SV2B: variants seen among roughly 807,000 people sequenced by gnomAD.
The protein encoded by SV2B is synaptic vesicle glycoprotein 2B.
Under a neutral mutation model 73.9 loss-of-function variants are expected in SV2B, and 41 were observed. The ratio of observed to expected loss-of-function variants is 0.56; its 90% CI spans 0.43 to 0.72. The LOEUF is 0.72. SV2B is among the 30% of genes least tolerant of loss of function. SV2B has a pLI of 0.00. For missense variants in SV2B, 764 were observed against 857.8 expected (o/e 0.89, Z 1.37); for synonymous variants, 314 against 314.2 (o/e 1.00, Z 0.01).
rs1185676519 is a variant in SV2B, at chr15:91,136,070, A to G, written c.-392+35707A>G. Among the ~76,000 whole-genome samples, 1 of 152,124 alleles carries G rather than the reference A, an allele frequency of 6.6e-6. No individual in the cohort carries two copies. The highest frequency in any genetic ancestry group is 1.5e-5 in the Non-Finnish European group (1 of 68,036). On this transcript the variant is annotated intron_variant, in intron 1 of 12. Coordinates refer to ENST00000394232, the MANE Select transcript of SV2B (RefSeq NM_001323032.3). The surrounding 1 kb of genome is among the most constrained non-coding windows in gnomAD (Gnocchi z 5.6). ...AAATAATATAAAGTTAGATATGAAG[A>G]TAATATAAACCATAACATTCTGAAA...
intron 9 of SV2B, among the ~76,000 whole-genome samples, chr15:91,276,494 T>C (rs1306371825): frequency 1.3e-5 from 2 of 152,102 alleles, no homozygotes; most frequent in Non-Finnish European, 2.9e-5. Context: ...TTTTTCTCTG[T>C]TTCTTCCCTT....
In SV2B at chr15:91,226,610, G is replaced by A. The variant is rs993206149; in HGVS notation, c.347G>A (p.Gly116Asp). 3.7e-6 allele frequency: 6 copies of A among 1,614,192 alleles called. No homozygotes were observed. Among genetic ancestry groups the A allele is most frequent in the Non-Finnish European group, 5.1e-6 (6 of 1,180,018 alleles). Reference protein sequence around the residue: ...RFQWILFFVLGLALMADGVEV... With the variant: ...RFQWILFFVLDLALMADGVEV... ...CAGTGGATCCTCTTTTTCGTCTTGG[G>A]TTTGGCCCTGATGGCCGATGGGGTG... The change falls in exon 2 of 13, where the codon GGT becomes GAT. Residue 116 changes from glycine to aspartate, a missense_variant. Gly to Asp is a moderately conservative substitution (Grantham distance 94, BLOSUM62 -1). Coordinates refer to ENST00000394232, the MANE Select transcript of SV2B (RefSeq NM_001323032.3).
chr15:91,271,708 G>A (rs766288085), intron 9 of SV2B, among the ~76,000 whole-genome samples: 2 of 152,050 alleles, frequency 1.3e-5, no homozygotes, highest in African/African-American at 4.8e-5. Context: ...CTTTGAAAGC[G>A]ATCTAAGGAA....
In SV2B at chr15:91,183,744, A is replaced by T. The variant is rs937899402; in HGVS notation, c.-391-42129A>T. On this transcript the variant is annotated intron_variant, in intron 1 of 12. Transcript: ENST00000394232. ...CCAGTCTCAAAGCTGTATAAATGTC[A>T]ATGAGCAAACAGATCAAAGAAGTAA... Among the ~76,000 whole-genome samples the T allele has an allele frequency of 5.3e-5, 8 of 152,256 alleles. No individual in the cohort carries two copies. The East Asian group carries it at 9.6e-4, about 18-fold the overall frequency.
Position 91,226,180 on chromosome 15 carries a change from G to A in SV2B, c.-84G>A. On this transcript the variant is annotated 5_prime_UTR_variant, in exon 2 of 13. The change abolishes an upstream ATG in the 5' untranslated region. Coordinates refer to ENST00000394232, the MANE Select transcript of SV2B (RefSeq NM_001323032.3). ...TTCACATTTGAACTACATAATGAATGATGGTTATTGAAATAGCCCAAACCT... is the reference window on the plus strand; with the variant it reads ...TTCACATTTGAACTACATAATGAATAATGGTTATTGAAATAGCCCAAACCT... 1 of 1,301,626 alleles carries A rather than the reference G, an allele frequency of 7.7e-7. No homozygotes were observed. Among genetic ancestry groups the A allele is most frequent in the Non-Finnish European group, 1.1e-6 (1 of 925,788 alleles). 80.6% of individuals were successfully genotyped at this position (1,301,626 alleles called of 1,614,324 possible). A position where few individuals can be genotyped will look rare whatever the true frequency, so the allele number is the denominator to read the frequency against.
chr15:91,260,481 T>G, intron 6 of SV2B, 72 bp downstream of exon 6: 1 of 1,226,566 alleles, frequency 8.2e-7, no homozygotes, highest in Non-Finnish European at 1.1e-6. Context: ...AAAAAGTAAT[T>G]TAAGCACATA....
In SV2B at chr15:91,226,699, A is replaced by C. The variant is rs1406444029; in HGVS notation, c.436A>C (p.Lys146Gln). ...AEKDMCLSSS[K>Q]KGMLGMIVYL... is the part of the protein sequence containing the mutation. ...GAAGGACATGTGTCTGTCCAGTTCCAAAAAAGGAATGCTAGGTAAGTGGAA... is the reference window on the plus strand; with the variant it reads ...GAAGGACATGTGTCTGTCCAGTTCCCAAAAAGGAATGCTAGGTAAGTGGAA... Residue 146 changes from lysine to glutamine, a missense_variant, in exon 2 of 13, where the codon AAA (lysine) becomes CAA (glutamine). Lys to Gln is a moderately conservative substitution (Grantham distance 53). Coordinates refer to ENST00000394232, the MANE Select transcript of SV2B (RefSeq NM_001323032.3). 1.9e-6 allele frequency: 3 copies of C among 1,604,924 alleles called. No individual in the cohort carries two copies. Among genetic ancestry groups the C allele is most frequent in the Admixed American group, 1.7e-5 (1 of 58,336 alleles).
At chr15:91,161,079 T>A (rs1447894285) in intron 1 of SV2B, among the ~76,000 whole-genome samples, 1 of 152,194 alleles carries the variant, frequency 6.6e-6, no homozygotes, top group Non-Finnish European at 1.5e-5. Context: ...ATTGTATGAT[T>A]CCATTTATAC....
At chr15:91,154,722 A>C (rs1003457281) in intron 1 of SV2B, among the ~76,000 whole-genome samples, 3 of 152,186 alleles carry the variant, frequency 2.0e-5, no homozygotes, top group Admixed American at 2.0e-4. Context: ...ACAGAAGTAG[A>C]GATTGGAGCA....
Position 91,134,004 on chromosome 15 carries a change from C to CTTTTTTTTTTTTTTTTTTTTTTTTTT in SV2B, c.-392+33653_-392+33654insTTTTTTTTTTTTTTTTTTTTTTTTTT, listed in dbSNP as rs10637206. Among the ~76,000 whole-genome samples, 27 of 106,210 alleles carry CTTTTTTTTTTTTTTTTTTTTTTTTTT rather than the reference C, an allele frequency of 2.5e-4. 2 individuals are homozygous for CTTTTTTTTTTTTTTTTTTTTTTTTTT. Among genetic ancestry groups the CTTTTTTTTTTTTTTTTTTTTTTTTTT allele is most frequent in the Middle Eastern group, 6.1e-3 (1 of 164 alleles). The allele number at this position is 106,210 out of a possible 152,430, so 69.7% of individuals were successfully genotyped here. ...TGCCTCTTCACCACTTTCTTTCTTCCTTTTTTTTTTTTGAGATGGAGTCTT... is the reference window on the plus strand; with the variant it reads ...TGCCTCTTCACCACTTTCTTTCTTCCTTTTTTTTTTTTTTTTTTTTTTTTTTTTTTTTTTTTTTGAGATGGAGTCTT... On this transcript the variant is annotated intron_variant, in intron 1 of 12. Coordinates refer to ENST00000394232, the MANE Select transcript of SV2B (RefSeq NM_001323032.3).
In SV2B at chr15:91,284,281, G is replaced by GTATTAAACAGGGAAATTTTCCCTTT; in HGVS notation, c.1708+68_1708+92dup. The GTATTAAACAGGGAAATTTTCCCTTT allele has an allele frequency of 6.4e-7, 1 of 1,553,144 alleles. No individual in the cohort carries two copies. Among genetic ancestry groups the GTATTAAACAGGGAAATTTTCCCTTT allele is most frequent in the Non-Finnish European group, 8.8e-7 (1 of 1,134,074 alleles). On this transcript the variant is annotated intron_variant, in intron 11 of 12. Coordinates refer to ENST00000394232, the MANE Select transcript of SV2B (RefSeq NM_001323032.3). The surrounding 1 kb of genome is among the most constrained non-coding windows in gnomAD (Gnocchi z 4.5). Reference sequence around the variant, plus strand: ...CGCGCTGGGGTGGTGACTTTCAAGTGTATTAAACAGGGAAATTTTCCCTTT... The same window carrying GTATTAAACAGGGAAATTTTCCCTTT: ...CGCGCTGGGGTGGTGACTTTCAAGTGTATTAAACAGGGAAATTTTCCCTTTTATTAAACAGGGAAATTTTCCCTTT...
intron 1 of SV2B, among the ~76,000 whole-genome samples, chr15:91,225,528 T>G (rs557573546): frequency 3.7e-4 from 56 of 152,278 alleles, no homozygotes; most frequent in African/African-American, 1.0e-3. Flanking sequence ...TTTATTTTAT[T>G]TTATTTTATT....
intron 1 of SV2B, among the ~76,000 whole-genome samples, chr15:91,222,223 A>G (rs187902042): frequency 6.6e-5 from 10 of 151,858 alleles, no homozygotes; most frequent in South Asian, 4.2e-4. Context: ...TGTGTCGTCT[A>G]TCTAAGTTCT....
At chr15:91,158,727 T>TTCCCTTCC (rs2043602273) in intron 1 of SV2B, among the ~76,000 whole-genome samples, 1 of 103,684 alleles carries the variant, frequency 9.6e-6, no homozygotes, top group African/African-American at 3.6e-5. Context: ...TCCTCTCCTC[T>TTCCCTTCC]CTTCTCCTCT....
chr15:91,276,805 G>GTTATTATTATTATTATTA (rs3082230), intron 9 of SV2B, among the ~76,000 whole-genome samples: 2,345 of 92,080 alleles, frequency 0.025, 72 homozygotes, highest in African/African-American at 0.075. Context: ...TATTGTTGTT[G>GTTATTATTATTATTATTA]TTATTATTAT....
chr15:91,124,089 T>C lies in SV2B; in HGVS notation c.-392+23726T>C, dbSNP rs1171602532. ...ACTCCTCATTATGGGAAAATCATCC[T>C]GGGTAAACACCAAGGTGGGCAAACT... is the stretch of plus-strand genomic sequence containing the variant. On this transcript the variant is annotated intron_variant, in intron 1 of 12. Coordinates refer to ENST00000394232, the MANE Select transcript of SV2B (RefSeq NM_001323032.3). The surrounding 1 kb of genome is among the most constrained non-coding windows in gnomAD (Gnocchi z 4.6). Among the ~76,000 whole-genome samples, 3 of 152,206 alleles carry C rather than the reference T, an allele frequency of 2.0e-5. No individual in the cohort carries two copies. Among genetic ancestry groups the C allele is most frequent in the African/African-American group, 4.8e-5 (2 of 41,442 alleles).
chr15:91,114,816 A>G (rs1596421071), intron 1 of SV2B, among the ~76,000 whole-genome samples: 1 of 152,108 alleles, frequency 6.6e-6, no homozygotes, highest in African/African-American at 2.4e-5. Flanking sequence ...CAGAAATTCC[A>G]TGCTGTGTTC....
At chr15:91,243,496 A>G (rs964690399) in intron 2 of SV2B, among the ~76,000 whole-genome samples, 3 of 152,170 alleles carry the variant, frequency 2.0e-5, no homozygotes, top group Non-Finnish European at 4.4e-5. Context: ...GGCTAAGGTG[A>G]GCCCCAGTCA....
intron 1 of SV2B, among the ~76,000 whole-genome samples, chr15:91,142,639 C>G (rs981916342): frequency 6.6e-6 from 1 of 152,146 alleles, no homozygotes; most frequent in Non-Finnish European, 1.5e-5. Flanking sequence ...TAACAACAGC[C>G]CTATTCTATT....
Sources: gnomAD v4.1 joint callset for allele counts (sites outside exome capture counted in the v4.1 genomes callset) on GRCh38, gnomAD v4.1.1 for gene constraint, Gnocchi (gnomAD v3.1) non-coding constraint, MANE v1.5 for transcripts, NCBI Gene and HGNC (gene_info 2026-07-23, HGNC 2026-07-21) for gene names.